Variants in ATP6V1G3 observed in about 807,000 individuals in gnomAD.
ATP6V1G3 encodes V-type proton ATPase subunit G 3.
Under a neutral mutation model 9.3 loss-of-function variants are expected in ATP6V1G3, and 9 were observed. The ratio of observed to expected loss-of-function variants is 0.97; its 90% CI spans 0.59 to 1.69. ATP6V1G3 has a LOEUF of 1.69. ATP6V1G3 is among the 40% of genes most tolerant of loss of function. The probability of loss-of-function intolerance (pLI) is 0.00; values close to 1 mark genes in which losing one functional copy is unlikely to be tolerated. For missense variants in ATP6V1G3, 133 were observed against 139.0 expected (o/e 0.96, Z 0.22); for synonymous variants, 43 against 43.8 (o/e 0.98, Z 0.07).
intron 2 of ATP6V1G3, 56 bp from the exon 3 acceptor site, chr1:198,523,620 A>G: frequency 7.8e-6 from 12 of 1,531,288 alleles, no homozygotes; most frequent in Non-Finnish European, 1.1e-5. Flanking sequence ...TTACAAGTTA[A>G]ATTTGTCCTA....
intron 1 of ATP6V1G3, among the ~76,000 whole-genome samples, chr1:198,531,641 T>A (rs905835678): frequency 1.3e-5 from 2 of 152,098 alleles, no homozygotes; most frequent in African/African-American, 4.8e-5. Flanking sequence ...GTTCTTGAGG[T>A]ACAGAGAAAC....
At chr1:198,536,841 A>T in intron 1 of ATP6V1G3, 1 of 799,062 alleles carries the variant, frequency 1.3e-6, no homozygotes, top group Non-Finnish European at 1.9e-6. Flanking sequence ...AATAAAAATA[A>T]CTCTAGTGTG....
intron 1 of ATP6V1G3, among the ~76,000 whole-genome samples, chr1:198,538,698 A>G (rs1660216573): frequency 6.6e-6 from 1 of 151,198 alleles, no homozygotes; most frequent in South Asian, 2.1e-4. Context: ...TGAGCTCAGG[A>G]GTTTGAGACC....
At chr1:198,525,133 G>A (rs1659604342) in intron 2 of ATP6V1G3, among the ~76,000 whole-genome samples, 2 of 152,256 alleles carry the variant, frequency 1.3e-5, no homozygotes, top group South Asian at 2.1e-4. Context: ...CATATGGATC[G>A]AATTTCCCTT....
chr1:198,540,311 G>T (rs990019546), intron 1 of ATP6V1G3, among the ~76,000 whole-genome samples: 1 of 152,150 alleles, frequency 6.6e-6, no homozygotes, highest in African/African-American at 2.4e-5. Context: ...CATAGCCAAG[G>T]CTTAAGCCCA....
chr1:198,530,207 A>G (rs1452983188), intron 1 of ATP6V1G3, among the ~76,000 whole-genome samples: 1 of 152,074 alleles, frequency 6.6e-6, no homozygotes, highest in Non-Finnish European at 1.5e-5. Context: ...TTTTCCTCTG[A>G]TAATGTTTCT....
intron 1 of ATP6V1G3, 87 bp downstream of exon 1, chr1:198,540,482 G>C: frequency 7.1e-7 from 1 of 1,403,016 alleles, no homozygotes; most frequent in Non-Finnish European, 1.0e-6. Flanking sequence ...TTTGAAACAA[G>C]GTCTGCCTAA....
At chr1:198,532,773 G>A (rs562023223) in intron 1 of ATP6V1G3, among the ~76,000 whole-genome samples, 1 of 152,174 alleles carries the variant, frequency 6.6e-6, no homozygotes, top group Non-Finnish European at 1.5e-5. Context: ...AACAGCAAGT[G>A]CAGAGGCCCT....
intron 1 of ATP6V1G3, chr1:198,536,801 A>G: frequency 1.7e-6 from 2 of 1,154,472 alleles, no homozygotes; most frequent in Admixed American, 4.1e-5. Context: ...TACTTACAGT[A>G]ACATACAAAA....
intron 1 of ATP6V1G3, among the ~76,000 whole-genome samples, chr1:198,531,127 T>G (rs572304959): frequency 3.9e-4 from 59 of 152,206 alleles, no homozygotes; most frequent in African/African-American, 1.2e-3. Flanking sequence ...GTGATTCCCT[T>G]GTCATGGCAC....
At chr1:198,530,697 A>G (rs1478413510) in intron 1 of ATP6V1G3, among the ~76,000 whole-genome samples, 3 of 152,136 alleles carry the variant, frequency 2.0e-5, no homozygotes, top group Admixed American at 6.6e-5. Context: ...TTCATTCTCT[A>G]TAGTTGTAAC....
intron 1 of ATP6V1G3, among the ~76,000 whole-genome samples, chr1:198,536,113 C>T (rs1660101996): frequency 6.6e-6 from 1 of 151,780 alleles, no homozygotes; most frequent in Non-Finnish European, 1.5e-5. Context: ...GTGTTTATTT[C>T]TAGGAGAGTA....
intron 1 of ATP6V1G3, among the ~76,000 whole-genome samples, chr1:198,533,849 G>C (rs1660003937): frequency 6.6e-6 from 1 of 152,180 alleles, no homozygotes; most frequent in Non-Finnish European, 1.5e-5. Context: ...TGAAGAAAGA[G>C]TTTCAAAGAG....
chr1:198,529,187 A>C lies in ATP6V1G3; in HGVS notation c.83-6T>G. Reference sequence around the variant, plus strand: ...CTTCAATCGCTTTCCTTTTCCTGAAAATTAACAAATATATATATATATATA... The same window carrying C: ...CTTCAATCGCTTTCCTTTTCCTGAACATTAACAAATATATATATATATATA... On this transcript the variant is annotated splice_region_variant and splice_polypyrimidine_tract_variant and intron_variant, in intron 1 of 2. Coordinates refer to ENST00000367382, the MANE Select transcript of ATP6V1G3 (RefSeq NM_001376861.1). The C allele has an allele frequency of 1.1e-6, 1 of 910,848 alleles. No individual in the cohort carries two copies. The highest frequency in any genetic ancestry group is 1.5e-6 in the Non-Finnish European group (1 of 657,608). 56.4% of individuals were successfully genotyped at this position (910,848 alleles called of 1,614,324 possible). A position where few individuals can be genotyped will look rare whatever the true frequency, so the allele number is the denominator to read the frequency against.
chr1:198,523,355 C>G lies in ATP6V1G3; in HGVS notation c.*36G>C. On this transcript the variant is annotated 3_prime_UTR_variant, in exon 3 of 3. Transcript: ENST00000367382. The stretch of plus-strand genomic sequence containing the variant: ...GCCATAAGCAACCAGGTGGCACTCA[C>G]ACACCTTTTTTTTTCTTGAAAACTG... The G allele has an allele frequency of 6.3e-7, 1 of 1,591,682 alleles. No individual in the cohort carries two copies. Among genetic ancestry groups the G allele is most frequent in the Non-Finnish European group, 8.6e-7 (1 of 1,168,526 alleles).
intron 2 of ATP6V1G3, among the ~76,000 whole-genome samples, chr1:198,525,914 C>T (rs941112834): frequency 6.6e-6 from 1 of 152,076 alleles, no homozygotes; most frequent in Non-Finnish European, 1.5e-5. Flanking sequence ...ACTCTTAGCT[C>T]AGTTTAACTC....
chr1:198,535,274 T>C (rs998029385), intron 1 of ATP6V1G3, among the ~76,000 whole-genome samples: 1 of 152,184 alleles, frequency 6.6e-6, no homozygotes, highest in African/African-American at 2.4e-5. Context: ...CATGAAATTC[T>C]TATATAACAA....
chr1:198,523,449 A>G lies in ATP6V1G3; in HGVS notation c.299T>C (p.Leu100Ser). ...KYMESVMNQL[L>S]SMVCDMKPEI... ...TGGTTTCATGTCACAGACCATGCTC[A>G]AGAGCTGGTTCATCACACTTTCCAT... The change falls in exon 3 of 3, where the codon TTG (leucine) becomes TCG (serine). Residue 100 changes from leucine to serine, a missense_variant. By Grantham distance (145) the Leu-to-Ser change is moderately radical. Transcript: ENST00000367382. 6.2e-7 allele frequency: 1 copy of G among 1,613,554 alleles called. No individual in the cohort carries two copies. The highest frequency in any genetic ancestry group is 2.2e-5 in the East Asian group (1 of 44,792).
chr1:198,530,225 T>C (rs1208862948), intron 1 of ATP6V1G3, among the ~76,000 whole-genome samples: 1 of 152,232 alleles, frequency 6.6e-6, no homozygotes, highest in Non-Finnish European at 1.5e-5. Context: ...TCTTAAGTAT[T>C]GTTTACAATT....
Sources: gnomAD v4.1 joint callset for allele counts (sites outside exome capture counted in the v4.1 genomes callset) on GRCh38, gnomAD v4.1.1 for gene constraint, MANE v1.5 for transcripts, NCBI Gene and HGNC (gene_info 2026-07-23, HGNC 2026-07-21) for gene names.